The following DMD variants were observed in gnomAD, a reference collection of about 807,000 sequenced individuals.
DMD encodes the protein mutant dystrophin.
DMD carries 63 observed loss-of-function variants against 330.1 expected under a neutral mutation model. The observed-to-expected ratio is 0.19, with a 90% CI of 0.16 to 0.24. The LOEUF (loss-of-function observed/expected upper bound fraction) is 0.24. Among genes scored for constraint, DMD ranks in the 10% least tolerant of loss-of-function variants. The probability of loss-of-function intolerance (pLI) is 1.00; values close to 1 mark genes in which losing one functional copy is unlikely to be tolerated. For synonymous variants in DMD, 1,223 were observed against 959.8 expected, an observed-to-expected ratio of 1.27 and a Z score of -5.07; for missense variants, 3,344 against 2,684.1, an observed-to-expected ratio of 1.25 and a Z score of -5.43.
chrX:32,826,717 G>C (rs1448424481), intron 4 of DMD, among the ~76,000 whole-genome samples: 1 of 111,293 alleles, frequency 9.0e-6, no homozygotes, highest in African/African-American at 3.3e-5. Context: ...GGGTTAGGCA[G>C]ATGTTGGTCA....
Position 31,671,446 on chromosome X carries a change from A to G in DMD, c.7872+7929T>C, listed in dbSNP as rs770453217. On this transcript the variant is annotated intron_variant, in intron 53 of 78. Coordinates refer to ENST00000357033, the MANE Select transcript of DMD (RefSeq NM_004006.3). Reference sequence around the variant, plus strand: ...AATCATGTTAATATGTTGTTGTATTAGGTTTGATAATTTTTTGAGGCGTTT... The same window carrying G: ...AATCATGTTAATATGTTGTTGTATTGGGTTTGATAATTTTTTGAGGCGTTT... Among the ~76,000 whole-genome samples the G allele has an allele frequency of 1.6e-4, 18 of 112,399 alleles. No individual in the cohort carries two copies. In the East Asian group the frequency reaches 4.8e-3, roughly 30 times the overall value.
At chrX:31,509,577 T>C (rs1338856774) in intron 55 of DMD, among the ~76,000 whole-genome samples, 5 of 111,885 alleles carry the variant, frequency 4.5e-5, no homozygotes, top group Non-Finnish European at 9.4e-5. Context: ...ATTTATATCC[T>C]ACATTGATAG....
At chrX:31,450,078 A>G (rs1053950963) in intron 59 of DMD, among the ~76,000 whole-genome samples, 2 of 110,610 alleles carry the variant, frequency 1.8e-5, no homozygotes, top group Non-Finnish European at 3.8e-5. Flanking sequence ...AATCCTTGTC[A>G]AACAAATGTT....
intron 59 of DMD, among the ~76,000 whole-genome samples, chrX:31,456,852 G>GTA (rs2066205032): frequency 1.0e-5 from 1 of 98,125 alleles, no homozygotes; most frequent in Non-Finnish European, 2.0e-5. Context: ...GTGTGTGTGT[G>GTA]TGTGTGTGTG....
intron 55 of DMD, among the ~76,000 whole-genome samples, chrX:31,622,572 T>C (rs959030947): frequency 2.7e-5 from 3 of 109,915 alleles, no homozygotes; most frequent in Non-Finnish European, 3.8e-5. Flanking sequence ...TCATCAGAGC[T>C]CTGTCTCTCT....
At chrX:32,643,344 T>G (rs1444580560) in intron 11 of DMD, among the ~76,000 whole-genome samples, 1 of 110,879 alleles carries the variant, frequency 9.0e-6, no homozygotes, top group African/African-American at 3.3e-5. Context: ...GTCCTTTTTT[T>G]TTTTTAACGC....
intron 1 of DMD, among the ~76,000 whole-genome samples, chrX:33,026,357 GAAAAT>G (rs1350086980): frequency 1.1e-4 from 7 of 65,873 alleles, no homozygotes; most frequent in African/African-American, 2.7e-4. Context: ...AGAAAGAAAA[GAAAAT>G]AAAGAACTAT....
rs186652559 is a variant in DMD at position 31,386,325 on chromosome X, T to C, written c.9085-37691A>G. Among the ~76,000 whole-genome samples the C allele has an allele frequency of 6.7e-3, 748 of 111,110 alleles. 1 individual carries two copies. The highest frequency in any genetic ancestry group is 8.9e-3 in the Non-Finnish European group (473 of 52,948). ...CACCAACATGGCACATGTATACATATGTAACAAACCTGCACGTTGTGCACA... is the reference window on the plus strand; with the variant it reads ...CACCAACATGGCACATGTATACATACGTAACAAACCTGCACGTTGTGCACA... On this transcript the variant is annotated intron_variant, in intron 60 of 78. Transcript: ENST00000357033.
intron 44 of DMD, among the ~76,000 whole-genome samples, chrX:32,099,613 T>C (rs1457217529): frequency 2.8e-5 from 3 of 108,282 alleles, no homozygotes; most frequent in Non-Finnish European, 5.7e-5. Flanking sequence ...GAAACTGGAA[T>C]ACATCATTCT....
At chrX:31,530,647 CTTTTTTTTTTTTTTTTTTTTTTAAT>C (rs1269653723) in intron 55 of DMD, among the ~76,000 whole-genome samples, 3 of 49,820 alleles carry the variant, frequency 6.0e-5, no homozygotes, top group East Asian at 1.4e-3. Context: ...ACTGGTTTCT[CTTTTTTTTTTTTTTTTTTTTTTAAT>C]TTTTTTTTTT....
At position 32,452,374 on chromosome X, in the gene DMD, AG is replaced by A. The variant is rs1444776419; in HGVS notation, c.3603+2287del. Among the ~76,000 whole-genome samples the A allele has an allele frequency of 3.7e-3, 65 of 17,617 alleles. 8 individuals carry two copies. The highest frequency in any genetic ancestry group is 0.011 in the African/African-American group (65 of 5,914). The allele number at this position is 17,617 out of a possible 115,157, so 15.3% of individuals were successfully genotyped here. ...AAGGGAAAGGGAAAGGGAAAGGGAAAGGGAAAGGGAAAGGGAAAGGGAAGGG... is the reference window on the plus strand; with the variant it reads ...AAGGGAAAGGGAAAGGGAAAGGGAAAGGAAAGGGAAAGGGAAAGGGAAGGG... On this transcript the variant is annotated intron_variant, in intron 26 of 78. Coordinates refer to ENST00000357033, the MANE Select transcript of DMD (RefSeq NM_004006.3).
chrX:31,890,093 A>G (rs200936762), intron 47 of DMD, among the ~76,000 whole-genome samples: 1 of 110,200 alleles, frequency 9.1e-6, no homozygotes, highest in East Asian at 2.8e-4. Flanking sequence ...AAAAAAAAAA[A>G]CAGTCTCCTT....
At chrX:32,394,920 A>ACAAAACAAAAAAAAC (rs375583538) in intron 30 of DMD, among the ~76,000 whole-genome samples, 41 of 60,409 alleles carry the variant, frequency 6.8e-4, no homozygotes, top group Non-Finnish European at 8.2e-4. Flanking sequence ...AAAAAACAAA[A>ACAAAACAAAAAAAAC]AAAAAAAAAA....
rs1244587324 is a variant in DMD at position 31,934,066 on chromosome X, C to T, written c.6615-1839G>A. Among the ~76,000 whole-genome samples the T allele has an allele frequency of 2.7e-5, 3 of 110,483 alleles. No homozygotes were observed. The Admixed American group carries it at 2.9e-4, about 11-fold the overall frequency. On this transcript the variant is annotated intron_variant, in intron 45 of 78. Transcript: ENST00000357033. ...AAGATATATACGTTATATACCTTGTCTTGAGGATTTCATAGTCAATGAGAA... is the reference window on the plus strand; with the variant it reads ...AAGATATATACGTTATATACCTTGTTTTGAGGATTTCATAGTCAATGAGAA...
intron 44 of DMD, among the ~76,000 whole-genome samples, chrX:32,190,550 T>TTATATATATATATATATATATATA (rs753482446): frequency 1.6e-4 from 10 of 62,518 alleles, no homozygotes; most frequent in South Asian, 1.9e-3. Flanking sequence ...ATTTAAAATT[T>TTATATATATATATATATATATATA]TATATATATA....
intron 55 of DMD, among the ~76,000 whole-genome samples, chrX:31,557,871 A>C (rs2074943384): frequency 9.0e-6 from 1 of 111,068 alleles, no homozygotes; most frequent in East Asian, 2.8e-4. Flanking sequence ...AAAAAAAAAA[A>C]ACCCCACTGG....
chrX:32,001,198 A>G (rs2095624185), intron 44 of DMD, among the ~76,000 whole-genome samples: 1 of 111,234 alleles, frequency 9.0e-6, no homozygotes, highest in African/African-American at 3.3e-5. Flanking sequence ...TGGTTGTAGG[A>G]CTGCATATGT....
rs778774701 is a variant in DMD, at chrX:32,234,637, G to A, written c.6291-17574C>T. 7.2e-5 allele frequency among the ~76,000 whole-genome samples: 8 copies of A among 111,706 alleles called. No homozygotes were observed. The East Asian group carries it at 8.5e-4, about 12-fold the overall frequency. ...CCACCATGAACATTTTACTATACTC[G>A]TTTTGATCACATATCTTTTCCTTCC... On this transcript the variant is annotated intron_variant, in intron 43 of 78. Coordinates refer to ENST00000357033, the MANE Select transcript of DMD (RefSeq NM_004006.3).
At chrX:31,290,881 C>T (rs1168990775) in intron 62 of DMD, among the ~76,000 whole-genome samples, 2 of 111,962 alleles carry the variant, frequency 1.8e-5, no homozygotes, top group Non-Finnish European at 3.8e-5. Context: ...AATTTTAAAG[C>T]TTGGAGTGAG....
Sources: gnomAD v4.1 joint callset for allele counts (sites outside exome capture counted in the v4.1 genomes callset) on GRCh38, gnomAD v4.1.1 for gene constraint, MANE v1.5 for transcripts, NCBI Gene and HGNC (gene_info 2026-07-23, HGNC 2026-07-21) for gene names.